The following DIP2B variants were observed in gnomAD, a reference collection of about 807,000 sequenced individuals.
DIP2B encodes DIP2 acetate--CoA ligase B (putative).
In DIP2B, 76 loss-of-function variants were observed where a neutral mutation model predicts 198.0. The observed-to-expected ratio is 0.38, with a 90% CI of 0.32 to 0.46. The LOEUF (loss-of-function observed/expected upper bound fraction) is 0.46. Among genes scored for constraint, DIP2B ranks in the 20% least tolerant of loss-of-function variants. The probability of loss-of-function intolerance (pLI) is 0.99; values close to 1 mark genes in which losing one functional copy is unlikely to be tolerated. For synonymous variants in DIP2B, 701 were observed against 739.1 expected (o/e 0.95, Z 0.84); for missense variants, 1,559 against 1,978.4 (o/e 0.79, Z 4.02).
At chr12:50,572,021 T>C (rs1958619534) in intron 1 of DIP2B, among the ~76,000 whole-genome samples, 1 of 152,196 alleles carries the variant, frequency 6.6e-6, no homozygotes, top group Non-Finnish European at 1.5e-5. Flanking sequence ...GCCGAAGCCT[T>C]CTCTTTAGAG....
intron 1 of DIP2B, among the ~76,000 whole-genome samples, chr12:50,561,828 C>T (rs969422571): frequency 1.3e-5 from 2 of 152,088 alleles, no homozygotes; most frequent in Non-Finnish European, 2.9e-5. Context: ...AGGGTGGTCT[C>T]GAACTTCTGG....
At chr12:50,667,916 T>C (rs1199793819) in intron 4 of DIP2B, among the ~76,000 whole-genome samples, 4 of 152,208 alleles carry the variant, frequency 2.6e-5, no homozygotes, top group African/African-American at 4.8e-5. Context: ...GTTCATGGTC[T>C]CCCAGCTATG....
chr12:50,627,805 A>G (rs1238845748), intron 2 of DIP2B, among the ~76,000 whole-genome samples: 2 of 152,236 alleles, frequency 1.3e-5, no homozygotes, highest in Non-Finnish European at 2.9e-5. Flanking sequence ...GTGACCTCAC[A>G]GGGGAAATAG....
chr12:50,636,143 C>T (rs1403345820), intron 2 of DIP2B, among the ~76,000 whole-genome samples: 3 of 152,072 alleles, frequency 2.0e-5, no homozygotes, highest in African/African-American at 4.8e-5. Flanking sequence ...TTCAAAGGGA[C>T]GTGAACTTAA....
chr12:50,711,624 C>T (rs2139573665), intron 22 of DIP2B, among the ~76,000 whole-genome samples: 1 of 152,232 alleles, frequency 6.6e-6, no homozygotes. Context: ...TACAGTGGCA[C>T]GATCTCGGCT....
chr12:50,570,088 A>G (rs560763941), intron 1 of DIP2B, among the ~76,000 whole-genome samples: 1 of 152,300 alleles, frequency 6.6e-6, no homozygotes, highest in South Asian at 2.1e-4. Flanking sequence ...TTGCTGTGTC[A>G]TGATTGCTTT....
At chr12:50,528,233 T>C (rs1958185307) in intron 1 of DIP2B, among the ~76,000 whole-genome samples, 1 of 151,350 alleles carries the variant, frequency 6.6e-6, no homozygotes, top group African/African-American at 2.4e-5. Flanking sequence ...GACCCTTCTT[T>C]TTTTTTTTTT....
At chr12:50,731,305 G>C in intron 30 of DIP2B, 64 bp from the exon 31 acceptor site, 1 of 1,563,304 alleles carries the variant, frequency 6.4e-7, no homozygotes, top group Middle Eastern at 1.7e-4. Flanking sequence ...GAATTGGTGG[G>C]GTTCTGAAGC....
intron 35 of DIP2B, 87 bp from the exon 36 acceptor site, chr12:50,739,322 A>T: frequency 6.8e-7 from 1 of 1,460,938 alleles, no homozygotes; most frequent in Non-Finnish European, 9.3e-7. Context: ...TAAAAATGAG[A>T]TTTAAAAAAT....
chr12:50,651,300 G>A (rs1938448383), intron 3 of DIP2B, among the ~76,000 whole-genome samples: 1 of 152,090 alleles, frequency 6.6e-6, no homozygotes, highest in South Asian at 2.1e-4. Context: ...TCTGTTGATT[G>A]TTTCTGTGAT....
At chr12:50,618,844 A>G (rs1937750705) in intron 1 of DIP2B, among the ~76,000 whole-genome samples, 4 of 152,188 alleles carry the variant, frequency 2.6e-5, no homozygotes, top group Non-Finnish European at 5.9e-5. Flanking sequence ...TATAATTTTC[A>G]TTACCATTCT....
At chr12:50,552,453 A>G (rs1032047002) in intron 1 of DIP2B, among the ~76,000 whole-genome samples, 3 of 151,938 alleles carry the variant, frequency 2.0e-5, no homozygotes, top group Admixed American at 2.0e-4. Flanking sequence ...TTTTTAGTAG[A>G]GACGGGGTTT....
chr12:50,524,478 A>G (rs1376186252), intron 1 of DIP2B, among the ~76,000 whole-genome samples: 1 of 150,426 alleles, frequency 6.6e-6, no homozygotes, highest in Non-Finnish European at 1.5e-5. Context: ...ACATTGGCTG[A>G]CTCTTCTTTC....
At chr12:50,560,661 G>T (rs1291167955) in intron 1 of DIP2B, among the ~76,000 whole-genome samples, 1 of 152,242 alleles carries the variant, frequency 6.6e-6, no homozygotes, top group Non-Finnish European at 1.5e-5. Flanking sequence ...TGAGGCATGA[G>T]AATTGCTTGA....
At chr12:50,517,960 A>G (rs1958080511) in intron 1 of DIP2B, among the ~76,000 whole-genome samples, 1 of 152,146 alleles carries the variant, frequency 6.6e-6, no homozygotes, top group Non-Finnish European at 1.5e-5. Flanking sequence ...AGTTATTGAG[A>G]GCTTATGATG....
intron 1 of DIP2B, among the ~76,000 whole-genome samples, chr12:50,607,302 G>A (rs914857760): frequency 6.6e-6 from 1 of 152,070 alleles, no homozygotes; most frequent in African/African-American, 2.4e-5. Context: ...AAAAAACAAG[G>A]ACCCAGGAAA....
intron 22 of DIP2B, among the ~76,000 whole-genome samples, chr12:50,713,139 G>T (rs1359719651): frequency 1.3e-5 from 2 of 152,090 alleles, no homozygotes; most frequent in African/African-American, 4.8e-5. Flanking sequence ...ATAGAGATGG[G>T]GTTTTGCCAT....
chr12:50,714,427 T>C lies in DIP2B; in HGVS notation c.2682T>C (p.Tyr894=), dbSNP rs376052799. Residue 894 remains tyrosine, a synonymous_variant, in exon 23 of 38, where the codon TAT becomes TAC. Transcript: ENST00000301180. The part of the protein sequence containing the change: ...AIDSIHQVGV[Y]CLALVPANTL... ...ATAGCATTCATCAAGTGGGGGTTTA[T>C]TGTCTTGCTCTGGTGCCAGCCAATA... 6.2e-6 allele frequency: 10 copies of C among 1,614,126 alleles called. No homozygotes were observed. The African/African-American group carries it at 1.2e-4, about 19-fold the overall frequency.
chr12:50,590,781 T>A (rs1958812591), intron 1 of DIP2B, among the ~76,000 whole-genome samples: 1 of 152,180 alleles, frequency 6.6e-6, no homozygotes, highest in Non-Finnish European at 1.5e-5. Context: ...ATATAAAATG[T>A]GTAGATTGAT....
Sources: allele counts gnomAD v4.1 joint callset (sites outside exome capture counted in the v4.1 genomes callset), GRCh38; gene constraint gnomAD v4.1.1; transcripts MANE v1.5; gene names NCBI Gene and HGNC (gene_info 2026-07-23, HGNC 2026-07-21).